Variants in PCNX1 observed in about 807,000 individuals in gnomAD.
PCNX1 encodes pecanex 1, also known as pecanex-like protein 1.
A neutral mutation model predicts 242.2 loss-of-function variants in PCNX1; 78 were observed. The ratio of observed to expected loss-of-function variants is 0.32; its 90% CI spans 0.27 to 0.39. PCNX1 has a LOEUF of 0.39. Among genes scored for constraint, PCNX1 ranks in the 10% least tolerant of loss-of-function variants. PCNX1 has a pLI of 1.00. For synonymous variants in PCNX1, 1,024 were observed against 1,032.9 expected (o/e 0.99, Z 0.17); for missense variants, 2,581 against 2,856.5 (o/e 0.90, Z 2.20).
chr14:70,946,898 T>C lies in PCNX1; in HGVS notation c.154-17T>C, dbSNP rs761793441. ...AAATATTTTAAAATGTATTTCCTTA[T>C]TTTCTTTCTCTTAAAGGCCCTTCCT... On this transcript the variant is annotated splice_polypyrimidine_tract_variant and intron_variant, in intron 1 of 35. Transcript: ENST00000304743. 1.3e-6 allele frequency: 2 copies of C among 1,505,032 alleles called. No homozygotes were observed. The highest frequency in any genetic ancestry group is 1.7e-5 in the Admixed American group (1 of 59,070). 93.2% of individuals were successfully genotyped at this position (1,505,032 alleles called of 1,614,324 possible). A position where few individuals can be genotyped will look rare whatever the true frequency, so the allele number is the denominator to read the frequency against.
intron 20 of PCNX1, among the ~76,000 whole-genome samples, chr14:71,046,650 G>A (rs980428101): frequency 2.6e-5 from 4 of 151,888 alleles, no homozygotes; most frequent in African/African-American, 4.8e-5. Flanking sequence ...TATTTTGGGT[G>A]GAAAGAGCAA....
In PCNX1 at chr14:71,073,084, G is replaced by A. The variant is rs1404242746; in HGVS notation, c.4853-461G>A. Among the ~76,000 whole-genome samples, 5 of 152,194 alleles carry A rather than the reference G, an allele frequency of 3.3e-5. No homozygotes were observed. In the East Asian group the frequency reaches 7.7e-4, roughly 23 times the overall value. On this transcript the variant is annotated intron_variant, in intron 26 of 35. Coordinates refer to ENST00000304743, the MANE Select transcript of PCNX1 (RefSeq NM_014982.3). ...TTTGGAAGCCTGAGGCAGGCAGATC[G>A]CAAGGTCTGGAGTTCAAGACCAACA... is the stretch of plus-strand genomic sequence containing the variant.
At position 71,033,547 on chromosome 14, in the gene PCNX1, A is replaced by G; in HGVS notation, c.3668+9A>G. 1.5e-6 allele frequency: 2 copies of G among 1,367,486 alleles called. No individual in the cohort carries two copies. Among genetic ancestry groups the G allele is most frequent in the South Asian group, 2.4e-5 (2 of 82,602 alleles). 84.7% of individuals were successfully genotyped at this position (1,367,486 alleles called of 1,614,324 possible). ...GATCCATCTGTACTTTTGTAAGTGA[A>G]CTCAATTGTTATTGAATTAAAAGAA... is the stretch of plus-strand genomic sequence containing the variant. On this transcript the variant is annotated intron_variant, in intron 17 of 35. Coordinates refer to ENST00000304743, the MANE Select transcript of PCNX1 (RefSeq NM_014982.3).
At chr14:70,967,794 CT>C (rs1289017057) in intron 3 of PCNX1, among the ~76,000 whole-genome samples, 1 of 152,144 alleles carries the variant, frequency 6.6e-6, no homozygotes, top group Non-Finnish European at 1.5e-5. Flanking sequence ...CCAAACCTTC[CT>C]TTTATACCCT....
In PCNX1 at chr14:71,028,090, A is replaced by T. The variant is rs1007441006; in HGVS notation, c.3467-610A>T. On this transcript the variant is annotated intron_variant, in intron 15 of 35. Coordinates refer to ENST00000304743, the MANE Select transcript of PCNX1 (RefSeq NM_014982.3). ...AGTCTAGATATCTTAGCCATCCCCT[A>T]TTCCTTATTACTAATAACTCCCATT... Among the ~76,000 whole-genome samples the T allele has an allele frequency of 2.0e-5, 3 of 152,002 alleles. No homozygotes were observed. The East Asian group carries it at 5.8e-4, about 29-fold the overall frequency.
At chr14:70,991,274 G>A (rs557419379) in intron 7 of PCNX1, among the ~76,000 whole-genome samples, 5 of 148,664 alleles carry the variant, frequency 3.4e-5, no homozygotes, top group Admixed American at 1.4e-4. Flanking sequence ...GCGCGATCTC[G>A]GCTCACTGCA....
chr14:70,951,284 A>G (rs1651130598), intron 2 of PCNX1, among the ~76,000 whole-genome samples: 1 of 151,802 alleles, frequency 6.6e-6, no homozygotes, highest in Non-Finnish European at 1.5e-5. Context: ...TGTTTTTATC[A>G]TAGTGGCTTT....
Position 70,969,001 on chromosome 14 carries a change from T to C in PCNX1, c.515-20T>C, listed in dbSNP as rs896145674. 1 of 1,445,424 alleles carries C rather than the reference T, an allele frequency of 6.9e-7. No homozygotes were observed. The highest frequency in any genetic ancestry group is 9.7e-7 in the Non-Finnish European group (1 of 1,026,500). The allele number at this position is 1,445,424 out of a possible 1,614,324, so 89.5% of individuals were successfully genotyped here. A position where few individuals can be genotyped will look rare whatever the true frequency, so the allele number is the denominator to read the frequency against. ...TTACTGTTAATATAAGGTCCTCACA[T>C]GTTTCTCTTAACTTTGTAGGAGATA... is the stretch of plus-strand genomic sequence containing the variant. On this transcript the variant is annotated intron_variant, in intron 4 of 35. Transcript: ENST00000304743.
intron 1 of PCNX1, among the ~76,000 whole-genome samples, chr14:70,913,792 C>G (rs2056031810): frequency 6.6e-6 from 1 of 152,066 alleles, no homozygotes; most frequent in South Asian, 2.1e-4. Flanking sequence ...TTATATTTCT[C>G]TAAAAGTTTA....
Position 71,008,887 on chromosome 14 carries a change from G to C in PCNX1, c.2630-747G>C, listed in dbSNP as rs186938063. Reference sequence around the variant, plus strand: ...CTCAAAGGGGAAGAATACATCTCAGGCAGTATGTAGAGTTTTAAAATTTCA... The same window carrying C: ...CTCAAAGGGGAAGAATACATCTCAGCCAGTATGTAGAGTTTTAAAATTTCA... On this transcript the variant is annotated intron_variant, in intron 8 of 35. Coordinates refer to ENST00000304743, the MANE Select transcript of PCNX1 (RefSeq NM_014982.3). 7.2e-5 allele frequency among the ~76,000 whole-genome samples: 11 copies of C among 151,898 alleles called. No homozygotes were observed. The East Asian group carries it at 2.1e-3, about 29-fold the overall frequency.
At chr14:70,916,385 A>G (rs1263194263) in intron 1 of PCNX1, among the ~76,000 whole-genome samples, 1 of 152,204 alleles carries the variant, frequency 6.6e-6, no homozygotes, top group African/African-American at 2.4e-5. Context: ...GAAATCAGCA[A>G]AGGAAGACAG....
chr14:70,924,094 T>C (rs1401553689), intron 1 of PCNX1, among the ~76,000 whole-genome samples: 2 of 151,724 alleles, frequency 1.3e-5, no homozygotes, highest in Non-Finnish European at 2.9e-5. Context: ...TACCTGGGCA[T>C]GTTAGTATGT....
chr14:71,059,174 A>T (rs190550505), intron 26 of PCNX1, among the ~76,000 whole-genome samples: 1 of 152,268 alleles, frequency 6.6e-6, no homozygotes, highest in East Asian at 1.9e-4. Context: ...CATCATATTG[A>T]TCAGTAGTTC....
chr14:70,908,696 T>A (rs2055688751), intron 1 of PCNX1, among the ~76,000 whole-genome samples: 1 of 150,356 alleles, frequency 6.7e-6, no homozygotes, highest in Admixed American at 6.7e-5. Flanking sequence ...TGGTGCTTCC[T>A]GGCCTCCCTG....
At chr14:71,005,836 T>C (rs569858587) in intron 8 of PCNX1, among the ~76,000 whole-genome samples, 22 of 152,260 alleles carry the variant, frequency 1.4e-4, no homozygotes, top group African/African-American at 5.3e-4. Flanking sequence ...AAAAGAATGG[T>C]TGTGTGTAAT....
At chr14:71,018,910 T>C in intron 11 of PCNX1, 99 bp from the exon 12 acceptor site, 2 of 980,980 alleles carry the variant, frequency 2.0e-6, no homozygotes. Flanking sequence ...CATCTTGGCA[T>C]ACCATGAACT....
chr14:71,108,503 C>A, intron 33 of PCNX1, 101 bp from the exon 34 acceptor site: 1 of 852,246 alleles, frequency 1.2e-6, no homozygotes, highest in Non-Finnish European at 1.8e-6. Context: ...TGTCAGTTCA[C>A]CAATTAATTG....
chr14:71,031,433 C>T (rs908502470), intron 16 of PCNX1, among the ~76,000 whole-genome samples: 9 of 152,188 alleles, frequency 5.9e-5, no homozygotes, highest in African/African-American at 1.9e-4. Flanking sequence ...CACCTGAAAA[C>T]AAGGTCCAGA....
At chr14:70,992,769 A>T (rs1166946983) in intron 7 of PCNX1, among the ~76,000 whole-genome samples, 1 of 152,226 alleles carries the variant, frequency 6.6e-6, no homozygotes, top group Non-Finnish European at 1.5e-5. Flanking sequence ...TAGTTTTGAC[A>T]TAGAAGCGTA....
Sources: gnomAD v4.1 joint callset for allele counts (sites outside exome capture counted in the v4.1 genomes callset) on GRCh38, gnomAD v4.1.1 for gene constraint, MANE v1.5 for transcripts, NCBI Gene and HGNC (gene_info 2026-07-23, HGNC 2026-07-21) for gene names.